CRTC1: variants seen among roughly 807,000 people sequenced by gnomAD.
The protein encoded by CRTC1 is CREB regulated transcription coactivator 1.
In CRTC1, 18 loss-of-function variants were observed where a neutral mutation model predicts 66.1. That is an observed-to-expected ratio of 0.27 (90% confidence interval 0.19 to 0.40). CRTC1 has a LOEUF of 0.40. CRTC1 is among the 10% of genes least tolerant of loss of function. The pLI, the probability that CRTC1 is intolerant of heterozygous loss-of-function variation, is 1.00. For missense variants in CRTC1, 669 were observed against 887.9 expected (o/e 0.75, Z 3.13); for synonymous variants, 416 against 398.8 (o/e 1.04, Z -0.51).
At chr19:18,742,303 G>A (rs2054128742) in intron 1 of CRTC1, among the ~76,000 whole-genome samples, 1 of 152,166 alleles carries the variant, frequency 6.6e-6, no homozygotes, top group Non-Finnish European at 1.5e-5. Flanking sequence ...GCTCAGCTGG[G>A]CCCAGCCCCC....
At chr19:18,700,570 CAG>C (rs1555775984) in intron 1 of CRTC1, among the ~76,000 whole-genome samples, 5 of 151,712 alleles carry the variant, frequency 3.3e-5, no homozygotes, top group Non-Finnish European at 1.5e-5. Flanking sequence ...AAATTGAAAA[CAG>C]AAACACCACA....
chr19:18,762,427 T>TGG (rs1255407764), intron 8 of CRTC1, among the ~76,000 whole-genome samples: 1 of 152,182 alleles, frequency 6.6e-6, no homozygotes, highest in Non-Finnish European at 1.5e-5. Flanking sequence ...TGCCGGCCCC[T>TGG]GGCACACACG....
intron 1 of CRTC1, among the ~76,000 whole-genome samples, chr19:18,726,056 C>T (rs184158212): frequency 4.8e-4 from 73 of 152,346 alleles, no homozygotes; most frequent in Non-Finnish European, 6.9e-4. Context: ...GAGTTGAGGC[C>T]GGGCCCTGGA....
Position 18,744,491 on chromosome 19 carries a change from A to AAC in CRTC1, c.244-1312_244-1311dup, listed in dbSNP as rs56007866. 5.7e-3 allele frequency among the ~76,000 whole-genome samples: 852 copies of AAC among 148,902 alleles called. 3 individuals are homozygous for AAC. The highest frequency in any genetic ancestry group is 0.012 in the Admixed American group (173 of 14,998). On this transcript the variant is annotated intron_variant, in intron 2 of 13. Coordinates refer to ENST00000321949, the MANE Select transcript of CRTC1 (RefSeq NM_015321.3). ...CCGTCCCTATATACACACACACACA[A>AAC]ACACACACACACACACACACATACA...
intron 2 of CRTC1, among the ~76,000 whole-genome samples, 187 bp from the exon 3 acceptor site, chr19:18,745,636 C>T (rs1248709349): frequency 2.6e-5 from 4 of 152,208 alleles, no homozygotes; most frequent in Non-Finnish European, 4.4e-5. Flanking sequence ...CCTCCCTACC[C>T]CCCAGTGCTT....
chr19:18,688,077 T>C (rs1029064963), intron 1 of CRTC1, among the ~76,000 whole-genome samples: 4 of 152,068 alleles, frequency 2.6e-5, no homozygotes, highest in African/African-American at 9.7e-5. Flanking sequence ...GTGCTGGGGC[T>C]CCTGCAGTGT....
rs1448097560 is a variant in CRTC1 at position 18,781,413 on chromosome 19, C to G, written c.*4031C>G. The G allele has an allele frequency of 8.7e-6, 2 of 230,270 alleles. No homozygotes were observed. The highest frequency in any genetic ancestry group is 4.4e-5 in the African/African-American group (2 of 45,152). 14.3% of individuals were successfully genotyped at this position (230,270 alleles called of 1,614,324 possible). ...GTGATTTGGGGGTCCCTGGGACATT[C>G]TCCCGTCAGCTCCACCTGAGCCAAG... On this transcript the variant is annotated 3_prime_UTR_variant, in exon 14 of 14. Transcript: ENST00000321949.
intron 1 of CRTC1, among the ~76,000 whole-genome samples, chr19:18,736,917 C>T (rs2054009135): frequency 6.6e-6 from 1 of 152,178 alleles, no homozygotes; most frequent in Admixed American, 6.5e-5. Flanking sequence ...GAGCGAGCCC[C>T]AGGAAGGGCT....
rs140198829 is a variant in CRTC1, at chr19:18,740,177, C to G, written c.127-2733C>G. Among the ~76,000 whole-genome samples, 647 of 152,016 alleles carry G rather than the reference C, an allele frequency of 4.3e-3. 9 individuals carry two copies. Among genetic ancestry groups the G allele is most frequent in the African/African-American group, 0.015 (610 of 41,406 alleles). On this transcript the variant is annotated intron_variant, in intron 1 of 13. Transcript: ENST00000321949. ...CTGAGGTGAGAGAATCGCTTGAACC[C>G]TGGAAGTGGAGGTTGCAGTAAGCCG... is the stretch of plus-strand genomic sequence containing the variant.
At chr19:18,686,874 T>C (rs1402438151) in intron 1 of CRTC1, among the ~76,000 whole-genome samples, 1 of 152,038 alleles carries the variant, frequency 6.6e-6, no homozygotes, top group Non-Finnish European at 1.5e-5. Flanking sequence ...TTTTGGGTCA[T>C]CATGATTAGG....
intron 9 of CRTC1, among the ~76,000 whole-genome samples, chr19:18,767,488 C>G (rs550778720): frequency 6.6e-6 from 1 of 152,156 alleles, no homozygotes; most frequent in Non-Finnish European, 1.5e-5. Context: ...TGTGAGCCAC[C>G]GCGCCCGTCA....
chr19:18,711,033 G>A (rs1444910791), intron 1 of CRTC1, among the ~76,000 whole-genome samples: 1 of 152,220 alleles, frequency 6.6e-6, no homozygotes, highest in East Asian at 1.9e-4. Flanking sequence ...CAGCTGATGG[G>A]GAGTCTGCTG....
intron 1 of CRTC1, among the ~76,000 whole-genome samples, chr19:18,714,684 T>A (rs1400962743): frequency 6.6e-6 from 1 of 152,240 alleles, no homozygotes; most frequent in Non-Finnish European, 1.5e-5. Flanking sequence ...GCTTGTGCTG[T>A]GATCCCCAGA....
At chr19:18,694,546 C>A (rs1036655431) in intron 1 of CRTC1, among the ~76,000 whole-genome samples, 1 of 152,170 alleles carries the variant, frequency 6.6e-6, no homozygotes, top group African/African-American at 2.4e-5. Context: ...GATCCTCCCA[C>A]CTCAGCCCCC....
At chr19:18,721,136 C>T (rs2053618638) in intron 1 of CRTC1, among the ~76,000 whole-genome samples, 1 of 151,878 alleles carries the variant, frequency 6.6e-6, no homozygotes, top group Admixed American at 6.6e-5. Flanking sequence ...TGTCTCTTCT[C>T]ATCTTCTGAG....
At chr19:18,746,789 G>T (rs1055327572) in intron 3 of CRTC1, among the ~76,000 whole-genome samples, 2 of 152,186 alleles carry the variant, frequency 1.3e-5, no homozygotes, top group African/African-American at 4.8e-5. Context: ...CTTGGAAGGG[G>T]TGCAGCCCGC....
chr19:18,728,446 C>G (rs1161490825), intron 1 of CRTC1, among the ~76,000 whole-genome samples: 2 of 152,180 alleles, frequency 1.3e-5, no homozygotes, highest in African/African-American at 4.8e-5. Context: ...CACCAAGTCA[C>G]TTGAAAAAGC....
Position 18,777,779 on chromosome 19 carries a change from G to A in CRTC1, c.*397G>A, listed in dbSNP as rs1271618850. Reference sequence around the variant, plus strand: ...TGGTCCGCCAGGGCTGTGGGCCGTGGCGCATTTTCCGACTGTTTGTCCAGC... The same window carrying A: ...TGGTCCGCCAGGGCTGTGGGCCGTGACGCATTTTCCGACTGTTTGTCCAGC... On this transcript the variant is annotated 3_prime_UTR_variant, in exon 14 of 14. Coordinates refer to ENST00000321949, the MANE Select transcript of CRTC1 (RefSeq NM_015321.3). The surrounding 1 kb of genome is among the most constrained non-coding windows in gnomAD (Gnocchi z 5.5). 2.2e-5 allele frequency: 7 copies of A among 317,962 alleles called. No homozygotes were observed. Among genetic ancestry groups the A allele is most frequent in the Non-Finnish European group, 4.1e-5 (7 of 170,786 alleles). 19.7% of individuals were successfully genotyped at this position (317,962 alleles called of 1,614,324 possible). A position where few individuals can be genotyped will look rare whatever the true frequency, so the allele number is the denominator to read the frequency against.
At chr19:18,747,196 C>T (rs2054264953) in intron 4 of CRTC1, 82 bp downstream of exon 4, 1 of 1,082,404 alleles carries the variant, frequency 9.2e-7, no homozygotes, top group East Asian at 2.6e-5. Context: ...TGTGGAAAAG[C>T]AGGACACAGT....
Sources: allele counts gnomAD v4.1 joint callset (sites outside exome capture counted in the v4.1 genomes callset), GRCh38; gene constraint gnomAD v4.1.1; non-coding constraint Gnocchi (gnomAD v3.1); transcripts MANE v1.5; gene names NCBI Gene and HGNC (gene_info 2026-07-23, HGNC 2026-07-21).